The following CLOCK variants were observed in gnomAD, a reference collection of about 807,000 sequenced individuals.
CLOCK encodes circadian locomoter output cycles protein kaput.
In CLOCK, 43 loss-of-function variants were observed where a neutral mutation model predicts 118.4. The ratio of observed to expected loss-of-function variants is 0.36; its 90% CI spans 0.28 to 0.47. CLOCK has a LOEUF of 0.47. Ranked by LOEUF, CLOCK falls within the 20% of genes least tolerant of loss-of-function variation. The pLI, the probability that CLOCK is intolerant of heterozygous loss-of-function variation, is 1.00. For synonymous variants in CLOCK, 326 were observed against 339.2 expected, an observed-to-expected ratio of 0.96 and a Z score of 0.43; for missense variants, 846 against 999.9, an observed-to-expected ratio of 0.85 and a Z score of 2.08.
chr4:55,475,324 C>T (rs1278515751), intron 7 of CLOCK, among the ~76,000 whole-genome samples: 1 of 152,124 alleles, frequency 6.6e-6, no homozygotes, highest in African/African-American at 2.4e-5. Context: ...AGGAGTTGCT[C>T]CACTGATGAG....
chr4:55,482,680 T>A, intron 4 of CLOCK, 59 bp downstream of exon 4: 1 of 1,153,470 alleles, frequency 8.7e-7, no homozygotes, highest in Non-Finnish European at 1.2e-6. Flanking sequence ...AGACCATTAT[T>A]CTAATAGTGC....
chr4:55,491,838 A>G (rs897727220), intron 2 of CLOCK, among the ~76,000 whole-genome samples: 4 of 152,208 alleles, frequency 2.6e-5, no homozygotes, highest in African/African-American at 9.6e-5. Flanking sequence ...CAAATTAATC[A>G]GTAAGTCAGA....
At chr4:55,503,978 T>TAAAAGAAA (rs1553900254) in intron 2 of CLOCK, among the ~76,000 whole-genome samples, 390 of 71,106 alleles carry the variant, frequency 5.5e-3, no homozygotes, top group South Asian at 0.011. Flanking sequence ...CAAAAAGAGG[T>TAAAAGAAA]AAAAAAAAAA....
At chr4:55,441,041 C>T (rs1428238274) in intron 21 of CLOCK, among the ~76,000 whole-genome samples, 3 of 152,198 alleles carry the variant, frequency 2.0e-5, no homozygotes, top group African/African-American at 7.2e-5. Flanking sequence ...CTGAAGTATT[C>T]ATCACCCCAA....
intron 8 of CLOCK, among the ~76,000 whole-genome samples, chr4:55,465,570 G>A (rs1725677960): frequency 6.6e-6 from 1 of 152,120 alleles, no homozygotes; most frequent in African/African-American, 2.4e-5. Context: ...AATGGCTTAA[G>A]GGATAACCAC....
intron 1 of CLOCK, among the ~76,000 whole-genome samples, chr4:55,532,108 C>T (rs1451938860): frequency 6.6e-6 from 1 of 151,982 alleles, no homozygotes; most frequent in Non-Finnish European, 1.5e-5. Flanking sequence ...ATGCATTTGA[C>T]AAAATTCAAC....
At chr4:55,468,395 T>C (rs757172453) in intron 8 of CLOCK, among the ~76,000 whole-genome samples, 13 of 152,198 alleles carry the variant, frequency 8.5e-5, no homozygotes, top group Non-Finnish European at 1.9e-4. Context: ...GCACCTAGCA[T>C]GGTGTCTGGC....
chr4:55,502,766 A>G lies in CLOCK; in HGVS notation c.-136+7146T>C, dbSNP rs183783603. The stretch of plus-strand genomic sequence containing the variant: ...CCAAAGACTAGGAAAGATATCTTCA[A>G]TACAACTGAACAACTGAAATTATCT... On this transcript the variant is annotated intron_variant, in intron 2 of 22. Transcript: ENST00000513440. Among the ~76,000 whole-genome samples, 63 of 152,334 alleles carry G rather than the reference A, an allele frequency of 4.1e-4. No individual in the cohort carries two copies. In the East Asian group the frequency reaches 0.011, roughly 26 times the overall value.
Position 55,450,119 on chromosome 4 carries a change from T to C in CLOCK, c.1320A>G (p.Ser440=). ...PSASSRSSRK[S]SHTAVSDPSS... ...AAGGGTCTGAGACGGCCGTGTGAGA[T>C]GATTTTCTTGAACTCCGAGAAGAGG... The change falls in exon 16 of 23, where the codon TCA becomes TCG. Residue 440 remains serine, a synonymous_variant. Transcript: ENST00000513440. 1.2e-6 allele frequency: 2 copies of C among 1,614,150 alleles called. No homozygotes were observed. The highest frequency in any genetic ancestry group is 1.7e-6 in the Non-Finnish European group (2 of 1,180,006).
At chr4:55,494,301 C>T (rs906549554) in intron 2 of CLOCK, among the ~76,000 whole-genome samples, 6 of 152,066 alleles carry the variant, frequency 3.9e-5, no homozygotes, top group African/African-American at 7.2e-5. Flanking sequence ...TAACAGCCTC[C>T]GAAGAATGTC....
chr4:55,502,644 TA>T (rs1283185990), intron 2 of CLOCK, among the ~76,000 whole-genome samples: 56 of 152,146 alleles, frequency 3.7e-4, no homozygotes, highest in Admixed American at 3.7e-3. Context: ...AAATGAAACA[TA>T]AAAAGCGTTA....
chr4:55,501,043 G>A (rs1249169148), intron 2 of CLOCK, among the ~76,000 whole-genome samples: 1 of 151,090 alleles, frequency 6.6e-6, no homozygotes, highest in East Asian at 2.0e-4. Context: ...TAGAAGAGAC[G>A]AGGTCTTGCT....
chr4:55,496,325 C>T (rs1243199181), intron 2 of CLOCK, among the ~76,000 whole-genome samples: 3 of 151,740 alleles, frequency 2.0e-5, no homozygotes, highest in African/African-American at 7.3e-5. Context: ...GTTTCTCTTC[C>T]TAGTAAAGGC....
At chr4:55,453,962 T>C (rs1724698761) in intron 13 of CLOCK, 138 bp from the exon 14 acceptor site, 1 of 667,324 alleles carries the variant, frequency 1.5e-6, no homozygotes, top group Non-Finnish European at 2.5e-6. Flanking sequence ...TATGTCAATA[T>C]GAAAATGTTA....
intron 21 of CLOCK, among the ~76,000 whole-genome samples, chr4:55,439,107 T>A (rs927705474): frequency 1.3e-5 from 2 of 152,178 alleles, no homozygotes; most frequent in African/African-American, 4.8e-5. Flanking sequence ...AATATCTGCA[T>A]ATCATCCTTC....
chr4:55,533,526 A>G (rs1191589777), intron 1 of CLOCK, among the ~76,000 whole-genome samples: 2 of 152,250 alleles, frequency 1.3e-5, no homozygotes, highest in Non-Finnish European at 1.5e-5. Context: ...TTTTAGATAC[A>G]TATTAGAATA....
chr4:55,499,050 T>C (rs898687243), intron 2 of CLOCK, among the ~76,000 whole-genome samples: 2 of 152,236 alleles, frequency 1.3e-5, no homozygotes, highest in African/African-American at 4.8e-5. Context: ...TTTCATATAG[T>C]TTTTATTTTT....
chr4:55,454,969 C>A (rs1157552775), intron 13 of CLOCK, among the ~76,000 whole-genome samples: 4 of 150,674 alleles, frequency 2.7e-5, no homozygotes, highest in African/African-American at 9.8e-5. Flanking sequence ...GCTCTTTAGA[C>A]AACATCATGG....
At chr4:55,487,351 GCTGA>G (rs1727361596) in intron 3 of CLOCK, among the ~76,000 whole-genome samples, 1 of 151,852 alleles carries the variant, frequency 6.6e-6, no homozygotes, top group Admixed American at 6.6e-5. Flanking sequence ...GATACAGCTT[GCTGA>G]CTGTTAACTT....
Sources: gnomAD v4.1 joint callset for allele counts (sites outside exome capture counted in the v4.1 genomes callset) on GRCh38, gnomAD v4.1.1 for gene constraint, MANE v1.5 for transcripts, NCBI Gene and HGNC (gene_info 2026-07-23, HGNC 2026-07-21) for gene names.